UVRAG: variants seen among roughly 807,000 people sequenced by gnomAD.
The protein encoded by UVRAG is UV radiation resistance associated.
A neutral mutation model predicts 78.0 loss-of-function variants in UVRAG; 19 were observed. The observed-to-expected ratio is 0.24, with a 90% CI of 0.17 to 0.36. The LOEUF is 0.36. Ranked by LOEUF, UVRAG falls within the 10% of genes least tolerant of loss-of-function variation. UVRAG has a pLI of 1.00. For synonymous variants in UVRAG, 323 were observed against 324.6 expected, an observed-to-expected ratio of 1.00 and a Z score of 0.05; for missense variants, 740 against 853.8, an observed-to-expected ratio of 0.87 and a Z score of 1.66.
intron 6 of UVRAG, chr11:75,942,191 A>C (rs964160361): frequency 1.3e-5 from 2 of 152,982 alleles, no homozygotes; most frequent in Non-Finnish European, 2.9e-5. Flanking sequence ...GCTTCATTCT[A>C]AGTTCTTGTG....
At chr11:76,003,474 G>A (rs889220506) in intron 8 of UVRAG, among the ~76,000 whole-genome samples, 3 of 151,752 alleles carry the variant, frequency 2.0e-5, no homozygotes, top group African/African-American at 7.3e-5. Context: ...GCCAGCCTTG[G>A]CCTCCCAAAG....
At chr11:75,907,038 A>G (rs941267194) in intron 5 of UVRAG, among the ~76,000 whole-genome samples, 39 of 152,334 alleles carry the variant, frequency 2.6e-4, no homozygotes, top group African/African-American at 8.7e-4. Flanking sequence ...TGGCTTGTCC[A>G]TTTCTGTAAA....
chr11:75,931,000 CT>C (rs1358069812), intron 6 of UVRAG: 1 of 102,966 alleles, frequency 9.7e-6, no homozygotes, highest in Non-Finnish European at 2.2e-5. Context: ...TTTTTAATTT[CT>C]TTTAACCTTT....
At chr11:75,929,998 G>A (rs1007321552) in intron 6 of UVRAG, among the ~76,000 whole-genome samples, 6 of 152,140 alleles carry the variant, frequency 3.9e-5, no homozygotes, top group East Asian at 1.9e-4. Flanking sequence ...GATACTTTGC[G>A]TTATTCACCT....
intron 9 of UVRAG, among the ~76,000 whole-genome samples, chr11:76,006,949 G>A (rs570332100): frequency 5.3e-5 from 8 of 152,258 alleles, no homozygotes; most frequent in Admixed American, 2.0e-4. Flanking sequence ...GTATCAACCT[G>A]CTAGAGTTGT....
intron 5 of UVRAG, among the ~76,000 whole-genome samples, chr11:75,892,126 T>C (rs1003884663): frequency 6.6e-6 from 1 of 152,194 alleles, no homozygotes; most frequent in Non-Finnish European, 1.5e-5. Context: ...CTTCCTCTTA[T>C]AGGAACAAAG....
intron 4 of UVRAG, among the ~76,000 whole-genome samples, chr11:75,885,062 C>T (rs953872579): frequency 2.0e-5 from 3 of 151,980 alleles, no homozygotes; most frequent in South Asian, 2.1e-4. Context: ...AGATCTTGCA[C>T]ATATTTTGTT....
At chr11:75,929,611 G>A (rs1027806562) in intron 6 of UVRAG, among the ~76,000 whole-genome samples, 1 of 152,112 alleles carries the variant, frequency 6.6e-6, no homozygotes, top group African/African-American at 2.4e-5. Context: ...GAGAAATGAA[G>A]CCCGTTGTCA....
At chr11:76,095,301 A>G (rs912781108) in intron 13 of UVRAG, among the ~76,000 whole-genome samples, 2 of 152,016 alleles carry the variant, frequency 1.3e-5, no homozygotes, top group African/African-American at 4.8e-5. Flanking sequence ...TTGCCTCTCA[A>G]CTTTCCCTAC....
At chr11:76,041,409 A>G (rs1437540276) in intron 12 of UVRAG, among the ~76,000 whole-genome samples, 1 of 152,214 alleles carries the variant, frequency 6.6e-6, no homozygotes, top group African/African-American at 2.4e-5. Flanking sequence ...GGAGACATCT[A>G]TGGAAGGCTG....
intron 6 of UVRAG, among the ~76,000 whole-genome samples, chr11:75,921,824 A>G (rs1234227151): frequency 6.6e-6 from 1 of 152,080 alleles, no homozygotes; most frequent in Non-Finnish European, 1.5e-5. Flanking sequence ...CTGAATTTAA[A>G]TAATACTTTT....
Position 75,925,153 on chromosome 11 carries a change from C to G in UVRAG, c.593+13114C>G, listed in dbSNP as rs533744343. Among the ~76,000 whole-genome samples the G allele has an allele frequency of 3.3e-5, 5 of 152,312 alleles. No homozygotes were observed. In the South Asian group the frequency reaches 1.0e-3, roughly 32 times the overall value. On this transcript the variant is annotated intron_variant, in intron 6 of 14. Transcript: ENST00000356136. The stretch of plus-strand genomic sequence containing the variant: ...GGCTTCACTGTCACATCTCTCATAG[C>G]TGCCTTGTAACTTCTACATTCCCGC...
intron 5 of UVRAG, among the ~76,000 whole-genome samples, chr11:75,899,765 A>G (rs1057488794): frequency 1.3e-5 from 2 of 152,224 alleles, no homozygotes; most frequent in Non-Finnish European, 2.9e-5. Context: ...AACAGTATCA[A>G]AGTGCTTTAT....
intron 14 of UVRAG, among the ~76,000 whole-genome samples, chr11:76,116,421 A>C (rs1952181223): frequency 6.6e-6 from 1 of 152,220 alleles, no homozygotes. Flanking sequence ...TAAAGGAAGA[A>C]AGCAGATAAG....
intron 3 of UVRAG, among the ~76,000 whole-genome samples, chr11:75,872,451 C>T (rs7105377): frequency 1.6e-3 from 239 of 148,028 alleles, no homozygotes; most frequent in African/African-American, 5.7e-3. Context: ...TGCAGTAGTG[C>T]GATCTCGGCT....
intron 1 of UVRAG, among the ~76,000 whole-genome samples, chr11:75,826,981 A>T (rs1006800732): frequency 2.0e-5 from 3 of 152,254 alleles, no homozygotes; most frequent in Admixed American, 2.0e-4. Context: ...TGGTCCATTG[A>T]AATAGCTGGC....
intron 1 of UVRAG, among the ~76,000 whole-genome samples, chr11:75,828,736 TATATATATATACACACAC>T (rs1433295212): frequency 0.01 from 967 of 96,508 alleles, 11 homozygotes; most frequent in African/African-American, 0.061. Context: ...TGTGTGTATA[TATATATATATACACACAC>T]ATATATATAT....
intron 13 of UVRAG, among the ~76,000 whole-genome samples, chr11:76,107,824 T>C (rs534059190): frequency 2.0e-5 from 3 of 152,104 alleles, no homozygotes; most frequent in Non-Finnish European, 4.4e-5. Flanking sequence ...ATCTAGTTCT[T>C]TTCATGTCAG....
Position 76,053,344 on chromosome 11 carries a change from A to ACAC in UVRAG, c.1227-12366_1227-12365insCAC, listed in dbSNP as rs60133924. Among the ~76,000 whole-genome samples the ACAC allele has an allele frequency of 8.4e-3, 1,199 of 142,416 alleles. 21 individuals carry two copies. Among genetic ancestry groups the ACAC allele is most frequent in the African/African-American group, 0.03 (1,098 of 36,870 alleles). 93.4% of individuals were successfully genotyped at this position (142,416 alleles called of 152,430 possible). A position where few individuals can be genotyped will look rare whatever the true frequency, so the allele number is the denominator to read the frequency against. ...ACACACACACACACACACACACACA[A>ACAC]AAATAAATATGCACCTGCTCCTTCT... On this transcript the variant is annotated intron_variant, in intron 12 of 14. Transcript: ENST00000356136.
Sources: allele counts gnomAD v4.1 joint callset (sites outside exome capture counted in the v4.1 genomes callset), GRCh38; gene constraint gnomAD v4.1.1; transcripts MANE v1.5; gene names NCBI Gene and HGNC (gene_info 2026-07-23, HGNC 2026-07-21).